The following ANO1 variants were observed in gnomAD, a reference collection of about 807,000 sequenced individuals.
ANO1 encodes the protein anoctamin-1.
In ANO1, 59 loss-of-function variants were observed where a neutral mutation model predicts 124.0. The ratio of observed to expected loss-of-function variants is 0.48; its 90% CI spans 0.39 to 0.59. The LOEUF (loss-of-function observed/expected upper bound fraction) is 0.59. Among genes scored for constraint, ANO1 ranks in the 20% least tolerant of loss-of-function variants. The probability of loss-of-function intolerance (pLI) is 0.00; values close to 1 mark genes in which losing one functional copy is unlikely to be tolerated. For missense variants in ANO1, 1,059 were observed against 1,328.0 expected (o/e 0.80, Z 3.15); for synonymous variants, 529 against 532.0 (o/e 0.99, Z 0.08).
chr11:70,115,698 G>T (rs537242571), intron 7 of ANO1, among the ~76,000 whole-genome samples: 8 of 152,276 alleles, frequency 5.3e-5, no homozygotes, highest in Admixed American at 1.3e-4. Context: ...CGACAGGGCC[G>T]CTCCCTTGCT....
chr11:70,093,913 G>A (rs759860464), intron 2 of ANO1, among the ~76,000 whole-genome samples: 3 of 152,238 alleles, frequency 2.0e-5, no homozygotes, highest in Non-Finnish European at 4.4e-5. Flanking sequence ...AGCCCGGTAT[G>A]CGGATGTGGA....
At chr11:70,129,433 A>G (rs1024569657) in intron 10 of ANO1, 1 of 152,356 alleles carries the variant, frequency 6.6e-6, no homozygotes, top group Non-Finnish European at 1.5e-5. Flanking sequence ...GAGCTGAGAT[A>G]CAAACCCAGA....
chr11:70,001,614 C>T (rs1338855834), intron 1 of ANO1, among the ~76,000 whole-genome samples: 2 of 152,158 alleles, frequency 1.3e-5, no homozygotes, highest in Non-Finnish European at 2.9e-5. Flanking sequence ...CACACAAAAG[C>T]AGGCAAATGA....
At chr11:70,180,812 A>G (rs2048901263) in intron 23 of ANO1, among the ~76,000 whole-genome samples, 1 of 152,206 alleles carries the variant, frequency 6.6e-6, no homozygotes, top group Non-Finnish European at 1.5e-5. Context: ...TCTGAAACGT[A>G]TGGCTGCTCT....
chr11:70,013,430 A>G (rs1555001389), intron 1 of ANO1, among the ~76,000 whole-genome samples: 1 of 152,108 alleles, frequency 6.6e-6, no homozygotes, highest in Admixed American at 6.5e-5. Flanking sequence ...ATACATAGAG[A>G]AAAGCACACA....
chr11:70,041,048 T>A (rs953184956), intron 1 of ANO1, among the ~76,000 whole-genome samples: 13 of 152,082 alleles, frequency 8.5e-5, no homozygotes, highest in Admixed American at 8.5e-4. Context: ...GAAGGGGGAC[T>A]CTCCATTGCC....
intron 1 of ANO1, among the ~76,000 whole-genome samples, chr11:70,020,478 C>T (rs547069292): frequency 4.6e-4 from 70 of 152,342 alleles, no homozygotes; most frequent in African/African-American, 1.6e-3. Context: ...AGCCTCTCTC[C>T]AGCCTTGGCA....
At chr11:70,143,405 G>T (rs1311155028) in intron 11 of ANO1, among the ~76,000 whole-genome samples, 1 of 152,194 alleles carries the variant, frequency 6.6e-6, no homozygotes, top group Non-Finnish European at 1.5e-5. Flanking sequence ...TGAAGCCTGA[G>T]TAGTAGAGAC....
intron 8 of ANO1, among the ~76,000 whole-genome samples, chr11:70,119,127 AGTGG>A (rs1320884315): frequency 1.8e-5 from 2 of 114,098 alleles, no homozygotes; most frequent in African/African-American, 3.4e-5. Context: ...ATGATGGGTG[AGTGG>A]GTGGGTGGAT....
chr11:70,175,459 G>A (rs1381969865), intron 22 of ANO1, among the ~76,000 whole-genome samples: 2 of 152,212 alleles, frequency 1.3e-5, no homozygotes, highest in African/African-American at 2.4e-5. Flanking sequence ...TGTGACCTGC[G>A]CCCCTGAGGC....
At chr11:70,164,816 G>C (rs2048188917) in intron 19 of ANO1, among the ~76,000 whole-genome samples, 1 of 152,182 alleles carries the variant, frequency 6.6e-6, no homozygotes, top group Non-Finnish European at 1.5e-5. Flanking sequence ...AGTGGATGCT[G>C]ACTGGTGCAT....
intron 11 of ANO1, among the ~76,000 whole-genome samples, chr11:70,133,960 G>T (rs1330511700): frequency 6.6e-6 from 1 of 152,206 alleles, no homozygotes; most frequent in African/African-American, 2.4e-5. Context: ...CGGAGACCCG[G>T]GACAGAGGCC....
At chr11:70,048,893 T>C (rs1555005979) in intron 1 of ANO1, among the ~76,000 whole-genome samples, 1 of 152,070 alleles carries the variant, frequency 6.6e-6, no homozygotes, top group African/African-American at 2.4e-5. Context: ...GGACAGTGTG[T>C]TTGCCAGTGG....
chr11:70,031,768 AGCACTGGCCAG>A (rs1857005271), intron 1 of ANO1, among the ~76,000 whole-genome samples: 1 of 152,172 alleles, frequency 6.6e-6, no homozygotes, highest in South Asian at 2.1e-4. Context: ...GGCACACCTG[AGCACTGGCCAG>A]GCCGCCAGCC....
chr11:69,975,831 A>T, the ANO1 span, among the ~76,000 whole-genome samples: 1 of 152,232 alleles, frequency 6.6e-6, no homozygotes, highest in African/African-American at 2.4e-5. Context: ...ATTGACTGGT[A>T]GGAGCACGGC....
At chr11:70,177,261 G>A (rs139979951) in intron 22 of ANO1, among the ~76,000 whole-genome samples, 1 of 152,354 alleles carries the variant, frequency 6.6e-6, no homozygotes, top group Non-Finnish European at 1.5e-5. Context: ...CACTTCGGAG[G>A]TCTCAAACTC....
At chr11:70,152,576 G>T (rs2135649804) in intron 13 of ANO1, 115 bp downstream of exon 13, 1 of 1,272,212 alleles carries the variant, frequency 7.9e-7, no homozygotes. Flanking sequence ...CCTCCACGCG[G>T]GTGGGGTCTC....
intron 2 of ANO1, among the ~76,000 whole-genome samples, chr11:70,089,046 T>C (rs1357752076): frequency 6.6e-6 from 1 of 152,244 alleles, no homozygotes; most frequent in Non-Finnish European, 1.5e-5. Flanking sequence ...ACAGCGGTGC[T>C]TCCTTCAGCG....
chr11:70,084,883 C>G (rs2044313269), intron 1 of ANO1, among the ~76,000 whole-genome samples: 1 of 152,208 alleles, frequency 6.6e-6, no homozygotes, highest in Non-Finnish European at 1.5e-5. Context: ...GTCTGGTACT[C>G]AGGGCCACTG....
Sources: gnomAD v4.1 joint callset for allele counts (sites outside exome capture counted in the v4.1 genomes callset) on GRCh38, gnomAD v4.1.1 for gene constraint, MANE v1.5 for transcripts, NCBI Gene and HGNC (gene_info 2026-07-23, HGNC 2026-07-21) for gene names.